The following MACROD2 variants were observed in gnomAD, a reference collection of about 807,000 sequenced individuals.
The protein encoded by MACROD2 is mono-ADP ribosylhydrolase 2, also known as ADP-ribose glycohydrolase MACROD2.
MACROD2 carries 36 observed loss-of-function variants against 70.4 expected under a neutral mutation model. That is an observed-to-expected ratio of 0.51 (90% confidence interval 0.39 to 0.68). The LOEUF is 0.68. Among genes scored for constraint, MACROD2 ranks in the 30% least tolerant of loss-of-function variants. The pLI is 0.00. For missense variants in MACROD2, 496 were observed against 538.4 expected (o/e 0.92, Z 0.78); for synonymous variants, 172 against 178.8 (o/e 0.96, Z 0.30).
intron 8 of MACROD2, among the ~76,000 whole-genome samples, chr20:15,509,420 G>A (rs2047470505): frequency 6.6e-6 from 1 of 152,056 alleles, no homozygotes; most frequent in Admixed American, 6.5e-5. Context: ...TCAGGGTGCA[G>A]GTATTAAAAA....
chr20:14,527,256 T>C (rs2085244508), intron 4 of MACROD2, among the ~76,000 whole-genome samples: 1 of 152,154 alleles, frequency 6.6e-6, no homozygotes, highest in Admixed American at 6.5e-5. Context: ...TGTGTTTGCC[T>C]GCTAGGGTCT....
In MACROD2 at chr20:15,096,807, A is replaced by G. The variant is rs924263564; in HGVS notation, c.419-133133A>G. 4.3e-5 allele frequency among the ~76,000 whole-genome samples: 4 copies of G among 92,552 alleles called. No individual in the cohort carries two copies. The Admixed American group carries it at 5.0e-4, about 12-fold the overall frequency. The allele number at this position is 92,552 out of a possible 152,430, so 60.7% of individuals were successfully genotyped here. A position where few individuals can be genotyped will look rare whatever the true frequency, so the allele number is the denominator to read the frequency against. ...GATTATAGGCGTGAGCCACTATGCT[A>G]ATTTTTTTTTTTTTTTTTTTTTGAG... On this transcript the variant is annotated intron_variant, in intron 5 of 17. Transcript: ENST00000684519.
At chr20:15,017,992 G>T (rs1226587688) in intron 5 of MACROD2, among the ~76,000 whole-genome samples, 1 of 152,108 alleles carries the variant, frequency 6.6e-6, no homozygotes, top group Non-Finnish European at 1.5e-5. Context: ...TTTTCCTCGT[G>T]GTCTTGGGAA....
intron 8 of MACROD2, among the ~76,000 whole-genome samples, chr20:15,640,613 C>G (rs1255619873): frequency 1.3e-5 from 2 of 152,194 alleles, no homozygotes; most frequent in African/African-American, 4.8e-5. Context: ...TTTTATCATC[C>G]CTTCACTCTT....
At chr20:14,103,995 C>G (rs2054334649) in intron 3 of MACROD2, among the ~76,000 whole-genome samples, 1 of 152,090 alleles carries the variant, frequency 6.6e-6, no homozygotes, top group Admixed American at 6.6e-5. Context: ...TAGGTACACA[C>G]AGACACACAT....
intron 2 of MACROD2, among the ~76,000 whole-genome samples, chr20:14,009,016 C>G (rs2052861215): frequency 6.6e-6 from 1 of 152,072 alleles, no homozygotes; most frequent in African/African-American, 2.4e-5. Context: ...ACTAAAAATC[C>G]TGGAAGACAA....
rs961389289 is a variant in MACROD2, at chr20:16,022,855, G to A, written c.1154-18346G>A. ...GCACAAATGCATGTATGTGCCAACC[G>A]AATCATACATTGTGCATGAATGCAT... On this transcript the variant is annotated intron_variant, in intron 15 of 17. Transcript: ENST00000684519. 2.6e-5 allele frequency among the ~76,000 whole-genome samples: 4 copies of A among 152,178 alleles called. No homozygotes were observed. In the East Asian group the frequency reaches 5.8e-4, roughly 22 times the overall value.
intron 8 of MACROD2, among the ~76,000 whole-genome samples, chr20:15,549,496 T>C (rs563388354): frequency 1.3e-5 from 2 of 152,372 alleles, no homozygotes; most frequent in East Asian, 3.9e-4. Flanking sequence ...CATATTGTGT[T>C]ATATACCAAA....
intron 5 of MACROD2, among the ~76,000 whole-genome samples, chr20:15,171,466 A>G (rs2076421818): frequency 6.8e-6 from 1 of 146,298 alleles, no homozygotes; most frequent in African/African-American, 2.6e-5. Flanking sequence ...CACTCTCCTT[A>G]TCACCCCCTG....
intron 8 of MACROD2, among the ~76,000 whole-genome samples, chr20:15,726,089 A>G (rs1233838635): frequency 6.6e-6 from 1 of 151,830 alleles, no homozygotes; most frequent in Non-Finnish European, 1.5e-5. Flanking sequence ...CTCACTCTCC[A>G]CCCTCAAGTA....
At position 15,000,629 on chromosome 20, in the gene MACROD2, CAAAAAAAAAAAAAAAAAAA is replaced by C. The variant is rs398040701; in HGVS notation, c.419-229297_419-229279del. 1.4e-4 allele frequency among the ~76,000 whole-genome samples: 3 copies of C among 21,982 alleles called. No individual in the cohort carries two copies. The South Asian group carries it at 0.014, about 101-fold the overall frequency. 14.4% of individuals were successfully genotyped at this position (21,982 alleles called of 152,430 possible). A position where few individuals can be genotyped will look rare whatever the true frequency, so the allele number is the denominator to read the frequency against. On this transcript the variant is annotated intron_variant, in intron 5 of 17. Coordinates refer to ENST00000684519, the MANE Select transcript of MACROD2 (RefSeq NM_001351661.2). ...TGGGCGACAGAGCGAGACTCCGTCT[CAAAAAAAAAAAAAAAAAAA>C]AAAAAAAAAAAAAGAGGTAGAAACA...
chr20:14,369,295 T>TC (rs896239938), intron 3 of MACROD2, among the ~76,000 whole-genome samples: 3 of 20,550 alleles, frequency 1.5e-4, no homozygotes, highest in Admixed American at 1.2e-3. Flanking sequence ...GCAAATGTAG[T>TC]TTTTTGCGAG....
intron 8 of MACROD2, among the ~76,000 whole-genome samples, chr20:15,850,252 C>T (rs2064281850): frequency 6.6e-6 from 1 of 152,144 alleles, no homozygotes; most frequent in Admixed American, 6.5e-5. Flanking sequence ...CTCTGGAGAA[C>T]TCTGGGATCT....
chr20:15,356,932 T>C (rs970621875), intron 6 of MACROD2, among the ~76,000 whole-genome samples: 2 of 152,218 alleles, frequency 1.3e-5, no homozygotes, highest in African/African-American at 2.4e-5. Flanking sequence ...CATGAAAGTA[T>C]TACAAACTGA....
At chr20:15,942,623 A>T (rs2065766151) in intron 12 of MACROD2, among the ~76,000 whole-genome samples, 1 of 152,338 alleles carries the variant, frequency 6.6e-6, no homozygotes, top group South Asian at 2.1e-4. Context: ...TATACAAGCA[A>T]TCACATTAAA....
chr20:14,590,664 G>A (rs180846229), intron 4 of MACROD2, among the ~76,000 whole-genome samples: 8 of 152,128 alleles, frequency 5.3e-5, no homozygotes, highest in African/African-American at 1.9e-4. Flanking sequence ...TATATTGAAT[G>A]ACCCTGCTTG....
At chr20:15,925,166 T>C (rs1568644764) in intron 10 of MACROD2, among the ~76,000 whole-genome samples, 1 of 152,236 alleles carries the variant, frequency 6.6e-6, no homozygotes, top group Non-Finnish European at 1.5e-5. Flanking sequence ...GTAGAATAAC[T>C]GTGTCAGTAT....
At chr20:15,584,334 A>G (rs572612508) in intron 8 of MACROD2, among the ~76,000 whole-genome samples, 2 of 152,270 alleles carry the variant, frequency 1.3e-5, no homozygotes, top group East Asian at 3.9e-4. Flanking sequence ...AAAGAAAGCA[A>G]ATTATAGAGC....
chr20:15,556,006 C>T (rs751060447), intron 8 of MACROD2, among the ~76,000 whole-genome samples: 1 of 152,078 alleles, frequency 6.6e-6, no homozygotes, highest in African/African-American at 2.4e-5. Flanking sequence ...TTATTTCTCT[C>T]AGGTCCTAAA....
Sources: gnomAD v4.1 joint callset for allele counts (sites outside exome capture counted in the v4.1 genomes callset) on GRCh38, gnomAD v4.1.1 for gene constraint, MANE v1.5 for transcripts, NCBI Gene and HGNC (gene_info 2026-07-23, HGNC 2026-07-21) for gene names.